The following ALK variants were observed in gnomAD, a reference collection of about 807,000 sequenced individuals.
The protein encoded by ALK is ALK receptor tyrosine kinase.
Under a neutral mutation model 163.1 loss-of-function variants are expected in ALK, and 74 were observed. The ratio of observed to expected loss-of-function variants is 0.45; its 90% CI spans 0.38 to 0.55. The LOEUF (loss-of-function observed/expected upper bound fraction) is 0.55, where lower values mean the gene tolerates loss of function less well. Among genes scored for constraint, ALK ranks in the 20% least tolerant of loss-of-function variants. The pLI is 0.00. For synonymous variants in ALK, 960 were observed against 843.2 expected, an observed-to-expected ratio of 1.14 and a Z score of -2.40; for missense variants, 2,063 against 2,105.3, an observed-to-expected ratio of 0.98 and a Z score of 0.39.
intron 5 of ALK, among the ~76,000 whole-genome samples, chr2:29,373,886 C>T (rs758284055): frequency 6.6e-6 from 1 of 152,200 alleles, no homozygotes; most frequent in Non-Finnish European, 1.5e-5. Context: ...GCACAAAGGA[C>T]TCTGTGCACC....
chr2:29,580,625 A>G (rs945753367), intron 3 of ALK, among the ~76,000 whole-genome samples: 4 of 152,256 alleles, frequency 2.6e-5, no homozygotes, highest in Non-Finnish European at 1.5e-5. Flanking sequence ...ATAATAAGGA[A>G]GATGAGCAAC....
At chr2:29,546,486 A>C (rs79422417) in intron 3 of ALK, among the ~76,000 whole-genome samples, 1 of 152,250 alleles carries the variant, frequency 6.6e-6, no homozygotes, top group African/African-American at 2.4e-5. Flanking sequence ...GATTTAATTC[A>C]ATGAGAAACA....
At chr2:29,331,181 C>A (rs1210103883) in intron 5 of ALK, among the ~76,000 whole-genome samples, 1 of 152,144 alleles carries the variant, frequency 6.6e-6, no homozygotes, top group Non-Finnish European at 1.5e-5. Context: ...CTTACTCACA[C>A]AGAAGGAAAA....
chr2:29,573,164 G>C (rs1324511959), intron 3 of ALK, among the ~76,000 whole-genome samples: 1 of 152,184 alleles, frequency 6.6e-6, no homozygotes, highest in Non-Finnish European at 1.5e-5. Flanking sequence ...GTGGCTCCCT[G>C]AGAACTGGGC....
chr2:29,328,554 T>C (rs940540262), intron 5 of ALK, 73 bp from the exon 6 acceptor site: 3 of 1,598,968 alleles, frequency 1.9e-6, no homozygotes, highest in African/African-American at 1.3e-5. Flanking sequence ...GATGGGTTGG[T>C]CCCATGGGCA....
intron 1 of ALK, among the ~76,000 whole-genome samples, chr2:29,798,803 A>T (rs1294855120): frequency 1.3e-5 from 2 of 152,204 alleles, no homozygotes; most frequent in Admixed American, 1.3e-4. Context: ...TCCTAGAGAG[A>T]AGGACTCTGA....
At chr2:29,676,974 T>G (rs1001724397) in intron 3 of ALK, among the ~76,000 whole-genome samples, 1 of 152,094 alleles carries the variant, frequency 6.6e-6, no homozygotes, top group Non-Finnish European at 1.5e-5. Context: ...TTAATATTGA[T>G]TTTGTATCTG....
chr2:29,694,820 C>A (rs1573561682), intron 3 of ALK, 30 bp downstream of exon 3: 4 of 1,612,746 alleles, frequency 2.5e-6, no homozygotes, highest in Non-Finnish European at 3.4e-6. Flanking sequence ...CCTGACCCAC[C>A]CAGGACATCA....
intron 1 of ALK, among the ~76,000 whole-genome samples, chr2:29,733,619 T>G (rs1417257435): frequency 2.0e-5 from 3 of 152,232 alleles, no homozygotes; most frequent in Non-Finnish European, 4.4e-5. Flanking sequence ...GCACAATGCC[T>G]AGCTAGAGTA....
chr2:29,408,100 T>TTC (rs1669634600), intron 4 of ALK, among the ~76,000 whole-genome samples: 1 of 151,188 alleles, frequency 6.6e-6, no homozygotes, highest in Admixed American at 6.6e-5. Context: ...TTTTTTTTTT[T>TTC]GAGATGGAGT....
chr2:29,880,051 C>G (rs1427854514), intron 1 of ALK, among the ~76,000 whole-genome samples: 3 of 152,244 alleles, frequency 2.0e-5, no homozygotes, highest in African/African-American at 7.2e-5. Context: ...CAGATTTCCT[C>G]TTCATCTGTT....
At chr2:29,208,970 T>A (rs1669389392) in intron 25 of ALK, among the ~76,000 whole-genome samples, 1 of 150,582 alleles carries the variant, frequency 6.6e-6, no homozygotes, top group African/African-American at 2.5e-5. Flanking sequence ...AAAAAAAAAA[T>A]AAGGCTGCGC....
intron 3 of ALK, among the ~76,000 whole-genome samples, chr2:29,559,051 TACCTTGAAGGGTTCAGACAGAAGA>T (rs1558383802): frequency 1.3e-5 from 2 of 152,154 alleles, no homozygotes; most frequent in Non-Finnish European, 2.9e-5. Context: ...GTACCTAACA[TACCTTGAAGGGTTCAGACAGAAGA>T]ACCTTGAAGG....
intron 4 of ALK, among the ~76,000 whole-genome samples, chr2:29,485,519 A>G (rs1671757863): frequency 6.6e-6 from 1 of 152,232 alleles, no homozygotes; most frequent in African/African-American, 2.4e-5. Flanking sequence ...TCTTAAATGT[A>G]TTCATTTGAA....
intron 1 of ALK, among the ~76,000 whole-genome samples, chr2:29,833,953 C>G (rs982564679): frequency 1.3e-5 from 2 of 152,202 alleles, no homozygotes; most frequent in Non-Finnish European, 2.9e-5. Context: ...CTCCTCAGCC[C>G]AACCCAGCCC....
Position 29,193,017 on chromosome 2 carries a change from T to TTTTC in ALK, c.*203_*206dup. On this transcript the variant is annotated 3_prime_UTR_variant, in exon 29 of 29. Transcript: ENST00000389048. ...GTATTTATCACTCATTTTTATGATATTTTCTTCTTTCGAAAGAATAGGATG... is the reference window on the plus strand; with the variant it reads ...GTATTTATCACTCATTTTTATGATATTTTCTTTCTTCTTTCGAAAGAATAGGATG... 2 of 602,048 alleles carry TTTTC rather than the reference T, an allele frequency of 3.3e-6. No homozygotes were observed. The highest frequency in any genetic ancestry group is 5.9e-6 in the Non-Finnish European group (2 of 340,796). 37.3% of individuals were successfully genotyped at this position (602,048 alleles called of 1,614,324 possible).
chr2:29,568,582 C>A (rs1033762249), intron 3 of ALK, among the ~76,000 whole-genome samples: 1 of 152,192 alleles, frequency 6.6e-6, no homozygotes, highest in African/African-American at 2.4e-5. Flanking sequence ...CACACCCACT[C>A]CAGAAGGGGA....
At chr2:29,366,276 C>A (rs1399483114) in intron 5 of ALK, among the ~76,000 whole-genome samples, 2 of 152,196 alleles carry the variant, frequency 1.3e-5, no homozygotes, top group African/African-American at 2.4e-5. Context: ...GAGAGGGGCC[C>A]TGCAGGAGCA....
chr2:29,919,657 A>T (rs558008010), intron 1 of ALK, among the ~76,000 whole-genome samples: 33 of 152,334 alleles, frequency 2.2e-4, no homozygotes, highest in African/African-American at 7.5e-4. Flanking sequence ...ACCTGGAAGT[A>T]ATCGGGGCAT....
Sources: allele counts gnomAD v4.1 joint callset (sites outside exome capture counted in the v4.1 genomes callset), GRCh38; gene constraint gnomAD v4.1.1; transcripts MANE v1.5; gene names NCBI Gene and HGNC (gene_info 2026-07-23, HGNC 2026-07-21).